The following MAP1B variants were observed in gnomAD, a reference collection of about 807,000 sequenced individuals.
MAP1B encodes microtubule-associated protein 1B.
MAP1B carries 12 observed loss-of-function variants against 176.1 expected under a neutral mutation model. The observed-to-expected ratio is 0.07, with a 90% CI of 0.04 to 0.11. The LOEUF is 0.11. Among genes scored for constraint, MAP1B ranks in the 10% least tolerant of loss-of-function variants. The pLI is 1.00. For synonymous variants in MAP1B, 1,044 were observed against 1,135.0 expected, an observed-to-expected ratio of 0.92 and a Z score of 1.61; for missense variants, 2,523 against 2,990.5, an observed-to-expected ratio of 0.84 and a Z score of 3.65.
Position 72,197,282 on chromosome 5 carries a change from T to C in MAP1B, c.3927T>C (p.His1309=), listed in dbSNP as rs775295938. ...TGACCCAAGAAGTAGTTGAAGAACATTGTGCTAGTCCTGAGGACAAGACTC... is the reference window on the plus strand; with the variant it reads ...TGACCCAAGAAGTAGTTGAAGAACACTGTGCTAGTCCTGAGGACAAGACTC... ...PEVTQEVVEE[H]CASPEDKTLE... Residue 1309 remains histidine (H), a synonymous_variant, in exon 5 of 7, where the codon CAT becomes CAC. Transcript: ENST00000296755. 2.2e-5 allele frequency: 35 copies of C among 1,614,078 alleles called. 1 individual carries two copies. The South Asian group carries it at 3.3e-4, about 15-fold the overall frequency.
intron 2 of MAP1B, among the ~76,000 whole-genome samples, chr5:72,146,064 T>A (rs1243196953): frequency 6.6e-6 from 1 of 152,252 alleles, no homozygotes; most frequent in African/African-American, 2.4e-5. Flanking sequence ...ACTCTTTTTT[T>A]AAAGAGAGTC....
rs1747462840 is a variant in MAP1B, at chr5:72,206,865, A to G, written c.*1626A>G. 1 of 152,164 alleles carries G rather than the reference A, an allele frequency of 6.6e-6. No individual in the cohort carries two copies. The highest frequency in any genetic ancestry group is 2.1e-4 in the South Asian group (1 of 4,830). The allele number at this position is 152,164 out of a possible 1,614,324, so 9.4% of individuals were successfully genotyped here. ...TCCCATAACATAAAAGTGCTACTTG[A>G]GAGTGGGGGAGAATGGCATGGTAGG... On this transcript the variant is annotated 3_prime_UTR_variant, in exon 7 of 7. Coordinates refer to ENST00000296755, the MANE Select transcript of MAP1B (RefSeq NM_005909.5).
intron 2 of MAP1B, among the ~76,000 whole-genome samples, chr5:72,124,136 A>T (rs1354534486): frequency 6.6e-6 from 1 of 152,188 alleles, no homozygotes; most frequent in Non-Finnish European, 1.5e-5. Context: ...CCCAGGACTA[A>T]TTAAATGCTA....
Position 72,196,159 on chromosome 5 carries a change from A to C in MAP1B, c.2804A>C (p.Glu935Ala). 6.2e-7 allele frequency: 1 copy of C among 1,613,400 alleles called. No individual in the cohort carries two copies. Among genetic ancestry groups the C allele is most frequent in the Non-Finnish European group, 8.5e-7 (1 of 1,179,948 alleles). The change falls in exon 5 of 7, where the codon GAA (glutamate) becomes GCA (alanine). Residue 935 changes from glutamate (E) to alanine (A), a missense_variant. Glu to Ala is a moderately radical substitution (Grantham distance 107, BLOSUM62 -1). This residue lies in a region of MAP1B where 1,925 missense variants were observed against 2,126.0 expected (regional missense o/e 0.91). Coordinates refer to ENST00000296755, the MANE Select transcript of MAP1B (RefSeq NM_005909.5). The surrounding 1 kb of genome is among the most constrained non-coding windows in gnomAD (Gnocchi z 5.3). ...GAAGATGAAGGAGCCGGTTTTGAAG[A>C]ATCTTCAGAGACTGGAGACTATGAA... ...KFEDEGAGFE[E>A]SSETGDYEEK...
At chr5:72,146,518 A>G (rs1261418784) in intron 2 of MAP1B, among the ~76,000 whole-genome samples, 1 of 152,172 alleles carries the variant, frequency 6.6e-6, no homozygotes. Context: ...TGCTCTAAGC[A>G]CTTTCTGTGT....
chr5:72,129,708 CCTT>C (rs764430701), intron 2 of MAP1B, among the ~76,000 whole-genome samples: 10 of 152,144 alleles, frequency 6.6e-5, no homozygotes, highest in Non-Finnish European at 1.2e-4. Flanking sequence ...TTTCTTCTCT[CCTT>C]CTTCTTTTTC....
intron 2 of MAP1B, among the ~76,000 whole-genome samples, chr5:72,130,211 G>T (rs1309681981): frequency 6.7e-6 from 1 of 149,798 alleles, no homozygotes; most frequent in African/African-American, 2.4e-5. Context: ...CAAACAAAAA[G>T]ACGAAAGGGC....
At chr5:72,130,418 T>A (rs919965366) in intron 2 of MAP1B, among the ~76,000 whole-genome samples, 1 of 152,210 alleles carries the variant, frequency 6.6e-6, no homozygotes, top group Non-Finnish European at 1.5e-5. Context: ...CATGTGGGCT[T>A]AGTATGTGTA....
intron 2 of MAP1B, among the ~76,000 whole-genome samples, chr5:72,163,888 TTTTTC>T (rs1189304736): frequency 6.6e-6 from 1 of 151,596 alleles, no homozygotes; most frequent in Admixed American, 6.6e-5. Context: ...ACTTTTTTCT[TTTTTC>T]TTTTCTTTCT....
intron 2 of MAP1B, chr5:72,179,630 A>G: frequency 1.0e-6 from 1 of 985,404 alleles, no homozygotes; most frequent in Non-Finnish European, 1.2e-6. Flanking sequence ...GCTTGGCCAG[A>G]TGCTGGGGCG....
chr5:72,114,216 C>CT (rs924427658), intron 1 of MAP1B, among the ~76,000 whole-genome samples: 56 of 149,762 alleles, frequency 3.7e-4, no homozygotes, highest in East Asian at 2.9e-3. Flanking sequence ...TTTCCAGAAT[C>CT]TTTTTTTTTT....
At chr5:72,193,741 A>C in intron 4 of MAP1B, 125 bp from the exon 5 acceptor site, 1 of 1,016,930 alleles carries the variant, frequency 9.8e-7, no homozygotes, top group African/African-American at 1.6e-5. Flanking sequence ...ATGAGAGTGC[A>C]TGTCTGAAAC....
At chr5:72,115,197 A>G (rs1414211334) in intron 1 of MAP1B, among the ~76,000 whole-genome samples, 3 of 152,170 alleles carry the variant, frequency 2.0e-5, no homozygotes, top group Non-Finnish European at 4.4e-5. Context: ...AAGAAATTAC[A>G]CATGTATACT....
In MAP1B at chr5:72,153,431, G is replaced by T. The variant is rs76803394; in HGVS notation, c.287-30312G>T. Among the ~76,000 whole-genome samples, 51 of 152,168 alleles carry T rather than the reference G, an allele frequency of 3.4e-4. 1 individual carries two copies. In the East Asian group the frequency reaches 9.9e-3, roughly 29 times the overall value. The stretch of plus-strand genomic sequence containing the variant: ...ACATAAAATCTGAAACTATGTGTTA[G>T]AAGCAGTGGTCTCTTGCCATTTCTG... On this transcript the variant is annotated intron_variant, in intron 2 of 6. Transcript: ENST00000296755.
At chr5:72,160,393 T>G (rs2112178758) in intron 2 of MAP1B, among the ~76,000 whole-genome samples, 1 of 152,348 alleles carries the variant, frequency 6.6e-6, no homozygotes, top group Middle Eastern at 3.4e-3. Context: ...TAGCTGATGT[T>G]ATTTAAACAA....
intron 2 of MAP1B, among the ~76,000 whole-genome samples, chr5:72,119,746 C>G (rs748168700): frequency 1.4e-4 from 22 of 152,166 alleles, no homozygotes; most frequent in Admixed American, 6.5e-5. Flanking sequence ...TGAGCTCAAG[C>G]AATCTGTCTG....
intron 4 of MAP1B, among the ~76,000 whole-genome samples, chr5:72,189,909 C>T (rs1194406769): frequency 6.6e-6 from 1 of 151,916 alleles, no homozygotes; most frequent in African/African-American, 2.4e-5. Context: ...GTATTTGAAG[C>T]CCAGAAGACA....
intron 2 of MAP1B, among the ~76,000 whole-genome samples, chr5:72,140,946 C>A (rs1745937370): frequency 6.6e-6 from 1 of 152,134 alleles, no homozygotes; most frequent in African/African-American, 2.4e-5. Flanking sequence ...AGACAGAAAC[C>A]TTTTGGGGTT....
chr5:72,111,206 A>G (rs1337274456), intron 1 of MAP1B, among the ~76,000 whole-genome samples: 1 of 152,092 alleles, frequency 6.6e-6, no homozygotes, highest in Non-Finnish European at 1.5e-5. Flanking sequence ...GAGGACATAC[A>G]TCCGTGTCTT....
Sources: allele counts gnomAD v4.1 joint callset (sites outside exome capture counted in the v4.1 genomes callset), GRCh38; gene constraint gnomAD v4.1.1; regional missense constraint gnomAD v4.1.1; non-coding constraint Gnocchi (gnomAD v3.1); transcripts MANE v1.5; gene names NCBI Gene and HGNC (gene_info 2026-07-23, HGNC 2026-07-21).